MAN2A1: variants seen among roughly 807,000 people sequenced by gnomAD.
MAN2A1 encodes mannosidase alpha class 2A member 1.
MAN2A1 carries 76 observed loss-of-function variants against 142.6 expected under a neutral mutation model. That is an observed-to-expected ratio of 0.53 (90% CI 0.44 to 0.65). MAN2A1 has a LOEUF of 0.65. MAN2A1 is among the 30% of genes least tolerant of loss of function. The pLI, the probability that MAN2A1 is intolerant of heterozygous loss-of-function variation, is 0.00. For missense variants in MAN2A1, 1,311 were observed against 1,365.1 expected, an observed-to-expected ratio of 0.96 and a Z score of 0.62; for synonymous variants, 559 against 473.2, an observed-to-expected ratio of 1.18 and a Z score of -2.35.
chr5:109,779,058 G>T (rs1561507780), intron 8 of MAN2A1, among the ~76,000 whole-genome samples: 1 of 152,006 alleles, frequency 6.6e-6, no homozygotes, highest in Non-Finnish European at 1.5e-5. Context: ...TATTCTTAAA[G>T]GTGTCCTAAA....
intron 19 of MAN2A1, among the ~76,000 whole-genome samples, chr5:109,851,845 G>A (rs148618266): frequency 1.9e-4 from 29 of 152,122 alleles, no homozygotes; most frequent in African/African-American, 7.0e-4. Flanking sequence ...GAAGAAATTG[G>A]GAGAGATCAG....
intron 20 of MAN2A1, among the ~76,000 whole-genome samples, chr5:109,859,018 G>A (rs1755692306): frequency 6.6e-6 from 1 of 152,166 alleles, no homozygotes; most frequent in Non-Finnish European, 1.5e-5. Context: ...CCAGATCTCT[G>A]AGATTCTGAT....
chr5:109,764,699 A>G (rs1233753960), intron 5 of MAN2A1, among the ~76,000 whole-genome samples: 1 of 152,162 alleles, frequency 6.6e-6, no homozygotes. Flanking sequence ...TTTGATGTGG[A>G]AAAGATTACC....
At chr5:109,722,868 G>A (rs1751643722) in intron 3 of MAN2A1, among the ~76,000 whole-genome samples, 1 of 152,150 alleles carries the variant, frequency 6.6e-6, no homozygotes, top group African/African-American at 2.4e-5. Context: ...ATTTTAGACA[G>A]TTTTCTCATT....
chr5:109,862,097 G>A (rs938105906), intron 20 of MAN2A1, among the ~76,000 whole-genome samples: 5 of 152,226 alleles, frequency 3.3e-5, no homozygotes, highest in African/African-American at 4.8e-5. Flanking sequence ...TATTAGCAAT[G>A]ACTGATATTG....
At chr5:109,708,449 G>A (rs1188985220) in intron 1 of MAN2A1, among the ~76,000 whole-genome samples, 1 of 149,540 alleles carries the variant, frequency 6.7e-6, no homozygotes, top group Non-Finnish European at 1.5e-5. Context: ...TGGGGCCCTG[G>A]AGGGGAATGG....
chr5:109,712,904 G>C (rs1751343088), intron 1 of MAN2A1, among the ~76,000 whole-genome samples: 1 of 152,146 alleles, frequency 6.6e-6, no homozygotes, highest in Admixed American at 6.5e-5. Flanking sequence ...TTACAGAGAT[G>C]GCAACCCTCT....
chr5:109,841,111 T>C (rs973239204), intron 16 of MAN2A1, among the ~76,000 whole-genome samples: 2 of 152,196 alleles, frequency 1.3e-5, no homozygotes, highest in Non-Finnish European at 2.9e-5. Flanking sequence ...AATTGCTCTC[T>C]TTAGAAGGTC....
intron 4 of MAN2A1, among the ~76,000 whole-genome samples, chr5:109,737,445 AT>A (rs34188816): frequency 0.64 from 93,782 of 146,796 alleles, 30,739 homozygotes; most frequent in East Asian, 0.91. Flanking sequence ...AGATTTTTGA[AT>A]TTTTTTTTTT....
intron 19 of MAN2A1, 37 bp downstream of exon 19, chr5:109,847,827 G>A (rs1755381976): frequency 7.2e-7 from 1 of 1,385,744 alleles, no homozygotes. Flanking sequence ...GATATTGATT[G>A]TTCTTTGTCA....
chr5:109,733,051 T>G (rs1751966221), intron 4 of MAN2A1, among the ~76,000 whole-genome samples: 1 of 152,210 alleles, frequency 6.6e-6, no homozygotes. Context: ...AGCAGTGGTT[T>G]GTAGTTTTCC....
rs768238978 is a variant in MAN2A1, at chr5:109,842,806, G to GTT, written c.2700+361_2700+362dup. Among the ~76,000 whole-genome samples, 625 of 116,176 alleles carry GTT rather than the reference G, an allele frequency of 5.4e-3. 31 individuals are homozygous for GTT. The highest frequency in any genetic ancestry group is 0.018 in the African/African-American group (563 of 30,768). The allele number at this position is 116,176 out of a possible 152,430, so 76.2% of individuals were successfully genotyped here. On this transcript the variant is annotated intron_variant, in intron 17 of 21. Transcript: ENST00000261483. ...GGGATTGATGGATTATACTTATTGG[G>GTT]TTTTTTTTTTTTTTTTTGAGAAAGA...
chr5:109,736,866 G>T (rs1752115306), intron 4 of MAN2A1, among the ~76,000 whole-genome samples: 1 of 151,990 alleles, frequency 6.6e-6, no homozygotes, highest in South Asian at 2.1e-4. Flanking sequence ...AAGTTCATCT[G>T]TGTGTTTACC....
intron 3 of MAN2A1, among the ~76,000 whole-genome samples, chr5:109,726,897 TA>T (rs1751759923): frequency 1.3e-5 from 2 of 152,186 alleles, no homozygotes; most frequent in African/African-American, 4.8e-5. Flanking sequence ...TAAATTTAGG[TA>T]AAAGATATCA....
At chr5:109,753,146 G>T (rs1201904960) in intron 4 of MAN2A1, among the ~76,000 whole-genome samples, 2 of 152,004 alleles carry the variant, frequency 1.3e-5, no homozygotes, top group African/African-American at 4.8e-5. Flanking sequence ...TTGATATATT[G>T]AAATAATGAA....
At chr5:109,833,717 G>A (rs971756471) in intron 16 of MAN2A1, among the ~76,000 whole-genome samples, 2 of 150,546 alleles carry the variant, frequency 1.3e-5, no homozygotes, top group African/African-American at 4.9e-5. Flanking sequence ...GGGGGAGAGG[G>A]ATTGAAGGAG....
At chr5:109,831,773 C>T (rs1365800666) in intron 16 of MAN2A1, among the ~76,000 whole-genome samples, 1 of 151,740 alleles carries the variant, frequency 6.6e-6, no homozygotes, top group Non-Finnish European at 1.5e-5. Flanking sequence ...TGTTATTGGT[C>T]AGTCTTTCAT....
At chr5:109,753,705 T>C (rs1240728726) in intron 4 of MAN2A1, among the ~76,000 whole-genome samples, 2 of 152,200 alleles carry the variant, frequency 1.3e-5, no homozygotes, top group South Asian at 2.1e-4. Context: ...AAAATAGTTA[T>C]TCATCCTCTG....
intron 19 of MAN2A1, among the ~76,000 whole-genome samples, chr5:109,853,279 A>G (rs749745042): frequency 6.6e-6 from 1 of 152,120 alleles, no homozygotes; most frequent in Non-Finnish European, 1.5e-5. Flanking sequence ...GGCTAACTCC[A>G]TGAAATTCAC....
Sources: allele counts gnomAD v4.1 joint callset (sites outside exome capture counted in the v4.1 genomes callset), GRCh38; gene constraint gnomAD v4.1.1; transcripts MANE v1.5; gene names NCBI Gene and HGNC (gene_info 2026-07-23, HGNC 2026-07-21).